The following CBL variants were observed in gnomAD, a reference collection of about 807,000 sequenced individuals.
CBL encodes the protein E3 ubiquitin-protein ligase CBL.
A neutral mutation model predicts 96.9 loss-of-function variants in CBL; 45 were observed. The ratio of observed to expected loss-of-function variants is 0.46; its 90% CI spans 0.37 to 0.60. The LOEUF (loss-of-function observed/expected upper bound fraction) is 0.60, where lower values mean the gene tolerates loss of function less well. Among genes scored for constraint, CBL ranks in the 20% least tolerant of loss-of-function variants. CBL has a pLI of 0.00. For missense variants in CBL, 1,024 were observed against 1,143.5 expected (o/e 0.90, Z 1.51); for synonymous variants, 420 against 426.8 (o/e 0.98, Z 0.20).
At chr11:119,295,340 T>C (rs902832791) in intron 12 of CBL, among the ~76,000 whole-genome samples, 1 of 152,034 alleles carries the variant, frequency 6.6e-6, no homozygotes, top group Non-Finnish European at 1.5e-5. Flanking sequence ...CAGAAACGTA[T>C]CAATTCCTTA....
intron 1 of CBL, among the ~76,000 whole-genome samples, chr11:119,230,758 T>C (rs897465782): frequency 2.0e-5 from 3 of 152,246 alleles, no homozygotes; most frequent in Non-Finnish European, 2.9e-5. Flanking sequence ...CTTGTGTGCA[T>C]GTGTGAGTCT....
At chr11:119,288,722 A>T in intron 12 of CBL, among the ~76,000 whole-genome samples, 1 of 152,110 alleles carries the variant, frequency 6.6e-6, no homozygotes, top group South Asian at 2.1e-4. Context: ...CATATATGAA[A>T]AGTTGGCCCT....
intron 2 of CBL, among the ~76,000 whole-genome samples, chr11:119,233,984 TTTTCTTTC>T (rs376599280): frequency 1.3e-5 from 2 of 152,094 alleles, no homozygotes; most frequent in African/African-American, 2.4e-5. Context: ...AATGTCCATC[TTTTCTTTC>T]TTTCTTTCTT....
chr11:119,266,439 A>G (rs1949803862), intron 2 of CBL, among the ~76,000 whole-genome samples: 1 of 152,212 alleles, frequency 6.6e-6, no homozygotes, highest in South Asian at 2.1e-4. Context: ...AGCTAAAACA[A>G]TAGCTATAGT....
chr11:119,260,722 C>T (rs1949747786), intron 2 of CBL, among the ~76,000 whole-genome samples: 1 of 151,816 alleles, frequency 6.6e-6, no homozygotes. Context: ...TTTTACTGCC[C>T]CTGTTACTTT....
intron 7 of CBL, 65 bp from the exon 8 acceptor site, chr11:119,278,101 C>T (rs1231036609): frequency 3.0e-6 from 4 of 1,325,152 alleles, no homozygotes; most frequent in African/African-American, 2.9e-5. Context: ...TTCACTTTTT[C>T]TGTTAACATT....
At chr11:119,266,020 A>G (rs995731535) in intron 2 of CBL, among the ~76,000 whole-genome samples, 4 of 147,898 alleles carry the variant, frequency 2.7e-5, no homozygotes, top group Admixed American at 6.8e-5. Context: ...CTCCATCTCA[A>G]AAAAAAAAAA....
Position 119,297,369 on chromosome 11 carries a change from T to C in CBL, c.2154-15T>C. 6.3e-7 allele frequency: 1 copy of C among 1,591,080 alleles called. No homozygotes were observed. Among genetic ancestry groups the C allele is most frequent in the Non-Finnish European group, 8.6e-7 (1 of 1,159,290 alleles). On this transcript the variant is annotated splice_polypyrimidine_tract_variant and intron_variant, in intron 13 of 15. Coordinates refer to ENST00000264033, the MANE Select transcript of CBL (RefSeq NM_005188.4). Reference sequence around the variant, plus strand: ...TATTTCCAAAGATCATTATGGCACTTTCCTTCTGGTTCAGAGCATGTGATT... The same window carrying C: ...TATTTCCAAAGATCATTATGGCACTCTCCTTCTGGTTCAGAGCATGTGATT...
rs763633898 is a variant in CBL, at chr11:119,298,572, G to C, written c.2434+32G>C. On this transcript the variant is annotated intron_variant, in intron 15 of 15. Coordinates refer to ENST00000264033, the MANE Select transcript of CBL (RefSeq NM_005188.4). ...CTCCAGACTACTTTGGGTTTGTCCT[G>C]AATGGCAGTGTGGCCTGTATGTTTA... 3.2e-6 allele frequency: 5 copies of C among 1,586,242 alleles called. No individual in the cohort carries two copies. In the South Asian group the frequency reaches 4.4e-5, roughly 14 times the overall value.
At position 119,285,090 on chromosome 11, in the gene CBL, C is replaced by G; in HGVS notation, c.1553C>G (p.Thr518Ser). 6.2e-7 allele frequency: 1 copy of G among 1,614,196 alleles called. No individual in the cohort carries two copies. Among genetic ancestry groups the G allele is most frequent in the South Asian group, 1.1e-5 (1 of 91,084 alleles). Reference protein sequence around the residue: ...CVPSSASALGTASKAASGSLH... With the variant: ...CVPSSASALGSASKAASGSLH... ...CCCTCAAGTGCTTCTGCTCTTGGAACTGCTTCTAAGGTAAAGCATTTTCCA... is the reference window on the plus strand; with the variant it reads ...CCCTCAAGTGCTTCTGCTCTTGGAAGTGCTTCTAAGGTAAAGCATTTTCCA... The change falls in exon 10 of 16, where the codon ACT (threonine) becomes AGT (serine). Residue 518 changes from threonine (T) to serine (S), a missense_variant. Transcript: ENST00000264033.
At chr11:119,241,817 A>G (rs933880501) in intron 2 of CBL, among the ~76,000 whole-genome samples, 5 of 152,212 alleles carry the variant, frequency 3.3e-5, no homozygotes, top group African/African-American at 7.2e-5. Flanking sequence ...GAGAGAGACA[A>G]TGATGGCTTG....
intron 1 of CBL, among the ~76,000 whole-genome samples, chr11:119,231,552 T>C (rs1228560195): frequency 6.6e-6 from 1 of 150,848 alleles, no homozygotes; most frequent in African/African-American, 2.4e-5. Context: ...CTACCAAAAA[T>C]ACAAAATTAG....
At chr11:119,214,605 A>G (rs796591834) in intron 1 of CBL, among the ~76,000 whole-genome samples, 10 of 152,292 alleles carry the variant, frequency 6.6e-5, no homozygotes, top group African/African-American at 2.2e-4. Flanking sequence ...TATTCAATCA[A>G]ATATCTGTTG....
chr11:119,253,271 A>G (rs894558412), intron 2 of CBL, among the ~76,000 whole-genome samples: 1 of 151,918 alleles, frequency 6.6e-6, no homozygotes, highest in Admixed American at 6.6e-5. Context: ...GATTGTTACA[A>G]AGTACTTAGA....
chr11:119,264,006 A>ATAC (rs1353968506), intron 2 of CBL, among the ~76,000 whole-genome samples: 1 of 152,238 alleles, frequency 6.6e-6, no homozygotes. Flanking sequence ...TCTTAAGCCT[A>ATAC]TACCATCACT....
intron 2 of CBL, among the ~76,000 whole-genome samples, chr11:119,262,162 C>T (rs749935759): frequency 2.0e-5 from 3 of 152,094 alleles, no homozygotes; most frequent in Non-Finnish European, 4.4e-5. Flanking sequence ...ACTCGTAACT[C>T]CAGTCAAAAT....
intron 1 of CBL, among the ~76,000 whole-genome samples, chr11:119,224,384 C>G (rs1949438214): frequency 6.6e-6 from 1 of 151,952 alleles, no homozygotes; most frequent in African/African-American, 2.4e-5. Flanking sequence ...GTCCCTGTCC[C>G]CCTCATTACC....
At chr11:119,228,215 C>T (rs1468212826) in intron 1 of CBL, among the ~76,000 whole-genome samples, 7 of 152,198 alleles carry the variant, frequency 4.6e-5, no homozygotes, top group Non-Finnish European at 1.5e-5. Context: ...TCAAGCGGCC[C>T]TCCCACCTCA....
At chr11:119,295,431 A>G (rs1436103352) in intron 12 of CBL, among the ~76,000 whole-genome samples, 3 of 152,122 alleles carry the variant, frequency 2.0e-5, no homozygotes, top group African/African-American at 7.2e-5. Context: ...CACATTAAGA[A>G]CAAACTAGGG....
Sources: allele counts gnomAD v4.1 joint callset (sites outside exome capture counted in the v4.1 genomes callset), GRCh38; gene constraint gnomAD v4.1.1; transcripts MANE v1.5; gene names NCBI Gene and HGNC (gene_info 2026-07-23, HGNC 2026-07-21).